The following ACSF3 variants were observed in gnomAD, a reference collection of about 807,000 sequenced individuals.
The protein encoded by ACSF3 is malonate--CoA ligase ACSF3, mitochondrial.
A neutral mutation model predicts 53.2 loss-of-function variants in ACSF3; 78 were observed. The observed-to-expected ratio is 1.47, with a 90% confidence interval of 1.22 to 1.77. The LOEUF is 1.77. Among genes scored for constraint, ACSF3 ranks in the 40% most tolerant of loss-of-function variants. The pLI is 0.00. For synonymous variants in ACSF3, 414 were observed against 333.1 expected (o/e 1.24, Z -2.65); for missense variants, 937 against 771.1 (o/e 1.22, Z -2.55).
intron 8 of ACSF3, among the ~76,000 whole-genome samples, chr16:89,135,916 A>T (rs1910356084): frequency 6.6e-6 from 1 of 152,200 alleles, no homozygotes; most frequent in Non-Finnish European, 1.5e-5. Context: ...CTGGGATTAC[A>T]GGCGCCCGCC....
chr16:89,142,352 G>A (rs1364370949), intron 8 of ACSF3, among the ~76,000 whole-genome samples: 1 of 152,198 alleles, frequency 6.6e-6, no homozygotes, highest in Non-Finnish European at 1.5e-5. Flanking sequence ...AGGGTCTCAG[G>A]GCCTGACCAT....
intron 7 of ACSF3, among the ~76,000 whole-genome samples, chr16:89,123,596 A>C (rs1395984202): frequency 6.6e-6 from 1 of 152,194 alleles, no homozygotes; most frequent in Non-Finnish European, 1.5e-5. Flanking sequence ...AGGACTAGTC[A>C]TGAGAATGGC....
chr16:89,136,529 C>G, intron 8 of ACSF3: 1 of 1,262,200 alleles, frequency 7.9e-7, no homozygotes, highest in Non-Finnish European at 1.0e-6. Flanking sequence ...AGAAATTAAA[C>G]TTAACCCTTT....
chr16:89,145,501 T>A, intron 9 of ACSF3, 100 bp downstream of exon 9: 5 of 1,410,290 alleles, frequency 3.5e-6, no homozygotes, highest in Non-Finnish European at 4.9e-6. Context: ...CCGTCCCAGC[T>A]GCCTGCAGGG....
Position 89,146,012 on chromosome 16 carries a change from C to A in ACSF3, c.1576C>A (p.His526Asn). ...VTAVVTLREGHSLSHRELKEW... is the reference protein window; with the variant it reads ...VTAVVTLREGNSLSHRELKEW... ...TGCTGTGGTGACCCTCCGAGAAGGA[C>A]ACTCACTGTCCCACAGGGAGCTCAA... Residue 526 changes from histidine to asparagine, a missense_variant, in exon 10 of 11, where the codon CAC becomes AAC. By Grantham distance (68) the His-to-Asn change is moderately conservative. Coordinates refer to ENST00000614302, the MANE Select transcript of ACSF3 (RefSeq NM_001243279.3). 1 of 1,563,116 alleles carries A rather than the reference C, an allele frequency of 6.4e-7. No individual in the cohort carries two copies. The highest frequency in any genetic ancestry group is 8.7e-7 in the Non-Finnish European group (1 of 1,147,136).
At chr16:89,134,735 G>A (rs1045910620) in intron 8 of ACSF3, among the ~76,000 whole-genome samples, 10 of 152,216 alleles carry the variant, frequency 6.6e-5, no homozygotes, top group African/African-American at 2.4e-4. Flanking sequence ...AGCCTAATTA[G>A]CATTTTAGTG....
intron 4 of ACSF3, among the ~76,000 whole-genome samples, chr16:89,103,734 A>G (rs1975644976): frequency 6.6e-6 from 1 of 152,168 alleles, no homozygotes; most frequent in Non-Finnish European, 1.5e-5. Flanking sequence ...ACTTTGGAGT[A>G]TTGGCCCAGC....
chr16:89,096,589 T>C (rs938438307), intron 1 of ACSF3, among the ~76,000 whole-genome samples: 2 of 152,194 alleles, frequency 1.3e-5, no homozygotes, highest in African/African-American at 4.8e-5. Flanking sequence ...TTCCACATGC[T>C]TGGTGGGAGA....
intron 8 of ACSF3, among the ~76,000 whole-genome samples, chr16:89,138,421 C>G (rs1046047127): frequency 6.6e-6 from 1 of 152,252 alleles, no homozygotes; most frequent in Non-Finnish European, 1.5e-5. Context: ...CACAGGCCTC[C>G]TGGTGGGGCC....
chr16:89,125,987 A>G (rs1216043412), intron 7 of ACSF3, among the ~76,000 whole-genome samples: 2 of 151,764 alleles, frequency 1.3e-5, no homozygotes, highest in South Asian at 2.1e-4. Context: ...CAAACACGGT[A>G]TATCTCTCCA....
intron 8 of ACSF3, among the ~76,000 whole-genome samples, chr16:89,141,850 C>T (rs1192088889): frequency 4.6e-5 from 7 of 152,218 alleles, no homozygotes; most frequent in Non-Finnish European, 8.8e-5. Context: ...GCTCTGAGCA[C>T]TGAGGGTCCC....
In ACSF3 at chr16:89,123,728, G is replaced by C. The variant is rs144462936; in HGVS notation, c.1239+2815G>C. Among the ~76,000 whole-genome samples the C allele has an allele frequency of 1.0e-3, 158 of 152,304 alleles. 2 individuals carry two copies. Among genetic ancestry groups the C allele is most frequent in the African/African-American group, 3.7e-3 (153 of 41,562 alleles). On this transcript the variant is annotated intron_variant, in intron 7 of 10. Coordinates refer to ENST00000614302, the MANE Select transcript of ACSF3 (RefSeq NM_001243279.3). ...AGGAAACAGAAAGTACCTGCAGAAA[G>C]GAATGTGCCCTGTGGGGATGGGAGG...
chr16:89,136,354 A>G (rs977120489), intron 8 of ACSF3, among the ~76,000 whole-genome samples: 2 of 152,206 alleles, frequency 1.3e-5, no homozygotes, highest in Non-Finnish European at 2.9e-5. Flanking sequence ...AATGTGCTGC[A>G]AACAGGAAGG....
intron 7 of ACSF3, among the ~76,000 whole-genome samples, chr16:89,123,890 G>GA (rs931137909): frequency 5.3e-5 from 8 of 152,180 alleles, no homozygotes; most frequent in African/African-American, 1.4e-4. Flanking sequence ...CACATCCTGT[G>GA]ACATATCACA....
At position 89,154,405 on chromosome 16, in the gene ACSF3, G is replaced by A; in HGVS notation, c.*198G>A. The stretch of plus-strand genomic sequence containing the variant: ...CGGGCCAGTTGTTGCAGCTCAAGGA[G>A]ACCGTCCCTGGTGTCACCTCTGCCT... On this transcript the variant is annotated 3_prime_UTR_variant, in exon 11 of 11. Coordinates refer to ENST00000614302, the MANE Select transcript of ACSF3 (RefSeq NM_001243279.3). The A allele has an allele frequency of 1.5e-6, 1 of 684,114 alleles. No individual in the cohort carries two copies. The highest frequency in any genetic ancestry group is 2.8e-5 in the East Asian group (1 of 35,562). The allele number at this position is 684,114 out of a possible 1,614,324, so 42.4% of individuals were successfully genotyped here.
chr16:89,145,567 G>A (rs565954686), intron 9 of ACSF3, among the ~76,000 whole-genome samples, 166 bp downstream of exon 9: 1 of 152,226 alleles, frequency 6.6e-6, no homozygotes, highest in Non-Finnish European at 1.5e-5. Context: ...TGGGGCTAGT[G>A]GGGGTGCAGC....
At chr16:89,143,358 G>A (rs1912252782) in intron 8 of ACSF3, among the ~76,000 whole-genome samples, 1 of 152,186 alleles carries the variant, frequency 6.6e-6, no homozygotes, top group African/African-American at 2.4e-5. Context: ...CTCTCCGGCA[G>A]GACCAGAGCA....
At chr16:89,145,756 G>A (rs531719116) in intron 9 of ACSF3, among the ~76,000 whole-genome samples, 182 bp from the exon 10 acceptor site, 14 of 152,274 alleles carry the variant, frequency 9.2e-5, no homozygotes, top group East Asian at 3.9e-4. Flanking sequence ...TGGGGAGCCC[G>A]TCCTCACTCC....
intron 8 of ACSF3, among the ~76,000 whole-genome samples, chr16:89,143,251 G>A (rs1283486515): frequency 6.6e-6 from 1 of 152,190 alleles, no homozygotes; most frequent in East Asian, 1.9e-4. Context: ...TGCAGCCTCA[G>A]CCCCGTGAGT....
Sources: allele counts gnomAD v4.1 joint callset (sites outside exome capture counted in the v4.1 genomes callset), GRCh38; gene constraint gnomAD v4.1.1; transcripts MANE v1.5; gene names NCBI Gene and HGNC (gene_info 2026-07-23, HGNC 2026-07-21).